Variants in CLVS1 observed in about 807,000 individuals in gnomAD.
CLVS1 encodes clavesin 1.
In CLVS1, 10 loss-of-function variants were observed where a neutral mutation model predicts 33.1. The ratio of observed to expected loss-of-function variants is 0.30; its 90% CI spans 0.19 to 0.51. The LOEUF (loss-of-function observed/expected upper bound fraction) is 0.51. CLVS1 is among the 20% of genes least tolerant of loss of function. The pLI is 0.97. For missense variants in CLVS1, 343 were observed against 433.4 expected (o/e 0.79, Z 1.85); for synonymous variants, 163 against 166.1 (o/e 0.98, Z 0.14).
chr8:61,074,075 C>T (rs1194126114), intron 1 of CLVS1, among the ~76,000 whole-genome samples: 1 of 150,478 alleles, frequency 6.6e-6, no homozygotes, highest in African/African-American at 2.4e-5. Flanking sequence ...TGGTGGCTCA[C>T]ACCTGTAATC....
chr8:61,296,648 C>T (rs975528864), intron 1 of CLVS1, among the ~76,000 whole-genome samples: 1 of 152,162 alleles, frequency 6.6e-6, no homozygotes, highest in African/African-American at 2.4e-5. Flanking sequence ...ATCAATCAGC[C>T]ACAACATCTC....
chr8:61,331,823 T>TTCCTCC (rs71257360), intron 2 of CLVS1, among the ~76,000 whole-genome samples: 1,590 of 141,996 alleles, frequency 0.011, 25 homozygotes, highest in African/African-American at 0.038. Flanking sequence ...CCTCCTCCTC[T>TTCCTCC]TCCTCCTCCT....
chr8:61,130,711 AGG>A (rs1806078421), intron 1 of CLVS1, among the ~76,000 whole-genome samples: 1 of 152,254 alleles, frequency 6.6e-6, no homozygotes, highest in African/African-American at 2.4e-5. Flanking sequence ...GAGTATTAAG[AGG>A]CTTCCAGTCA....
chr8:61,163,185 G>A (rs1259727688), intron 2 of CLVS1, among the ~76,000 whole-genome samples: 1 of 152,176 alleles, frequency 6.6e-6, no homozygotes, highest in Non-Finnish European at 1.5e-5. Flanking sequence ...ACACTGCACA[G>A]ACACCAGCCT....
chr8:61,383,974 A>T (rs986997323), intron 3 of CLVS1, among the ~76,000 whole-genome samples: 1 of 152,204 alleles, frequency 6.6e-6, no homozygotes, highest in East Asian at 1.9e-4. Flanking sequence ...ATATTTGGAA[A>T]AAGAGACATG....
intron 2 of CLVS1, among the ~76,000 whole-genome samples, chr8:61,320,166 TAG>T (rs1187812935): frequency 2.6e-5 from 4 of 152,218 alleles, no homozygotes; most frequent in African/African-American, 9.6e-5. Flanking sequence ...CTCTTTTTTG[TAG>T]AGTTATCTGC....
upstream of CLVS1, among the ~76,000 whole-genome samples, chr8:61,055,881 C>G (rs190173209): frequency 1.8e-3 from 278 of 152,358 alleles, 3 homozygotes; most frequent in East Asian, 7.7e-4. Context: ...CAGCTCTCCT[C>G]CATGATATGG....
At chr8:60,981,345 T>G in the CLVS1 span, among the ~76,000 whole-genome samples, 94 of 152,250 alleles carry the variant, frequency 6.2e-4, no homozygotes, top group Non-Finnish European at 1.6e-4. Context: ...TTATGTAGCT[T>G]TGAGCACATG....
chr8:61,091,768 G>GA (rs1026382555), intron 1 of CLVS1, among the ~76,000 whole-genome samples: 4 of 151,978 alleles, frequency 2.6e-5, no homozygotes, highest in African/African-American at 7.3e-5. Context: ...GCCTTTTTAG[G>GA]AAAAAAACTA....
chr8:61,032,869 ATAC>A, the CLVS1 span, among the ~76,000 whole-genome samples: 1 of 151,874 alleles, frequency 6.6e-6, no homozygotes, highest in Admixed American at 6.6e-5. Context: ...ATGCTTCAAA[ATAC>A]TATCTGTAAA....
intron 2 of CLVS1, among the ~76,000 whole-genome samples, chr8:61,233,720 G>A (rs533225663): frequency 6.6e-6 from 1 of 152,308 alleles, no homozygotes; most frequent in South Asian, 2.1e-4. Flanking sequence ...CTCCTGGCTG[G>A]GAAAAGGGCC....
chr8:61,389,234 A>G lies in CLVS1; in HGVS notation c.630+12455A>G, dbSNP rs533568194. Among the ~76,000 whole-genome samples the G allele has an allele frequency of 4.6e-5, 7 of 152,312 alleles. No individual in the cohort carries two copies. The East Asian group carries it at 5.8e-4, about 13-fold the overall frequency. The stretch of plus-strand genomic sequence containing the variant: ...TTGAGAGGCTAACCCACATTAGCAT[A>G]TAGACAATATCAAGAAATAACAGGG... On this transcript the variant is annotated intron_variant, in intron 3 of 5. Transcript: ENST00000325897.
chr8:61,192,004 T>A (rs1807494679), intron 2 of CLVS1, among the ~76,000 whole-genome samples: 1 of 152,200 alleles, frequency 6.6e-6, no homozygotes, highest in Non-Finnish European at 1.5e-5. Context: ...AATAACTTTC[T>A]TCACAGAATT....
chr8:61,306,971 G>A (rs1260633370), intron 2 of CLVS1, among the ~76,000 whole-genome samples: 1 of 152,210 alleles, frequency 6.6e-6, no homozygotes. Flanking sequence ...TAGTTCAGTT[G>A]TGGTTGAGAA....
chr8:61,265,104 A>T (rs1174804820), intron 2 of CLVS1, among the ~76,000 whole-genome samples: 1 of 152,228 alleles, frequency 6.6e-6, no homozygotes, highest in African/African-American at 2.4e-5. Context: ...ACCTCCAAAC[A>T]TACATCCAAT....
chr8:61,063,290 A>AGAGAGAGAGAGAGAGAGAGAGAGAGG (rs1804617306), intron 1 of CLVS1, among the ~76,000 whole-genome samples: 1 of 107,118 alleles, frequency 9.3e-6, no homozygotes, highest in East Asian at 2.4e-4. Context: ...AGAGAGAGAG[A>AGAGAGAGAGAGAGAGAGAGAGAGAGG]GAGATAGAGA....
chr8:61,486,936 G>C (rs1803907511), intron 5 of CLVS1, among the ~76,000 whole-genome samples: 1 of 152,206 alleles, frequency 6.6e-6, no homozygotes, highest in African/African-American at 2.4e-5. Flanking sequence ...ATAAGGGATT[G>C]AGAAATATTT....
intron 2 of CLVS1, among the ~76,000 whole-genome samples, chr8:61,203,462 A>G (rs1807779682): frequency 1.3e-5 from 2 of 152,182 alleles, no homozygotes; most frequent in Non-Finnish European, 2.9e-5. Context: ...ATGATAGGAC[A>G]CAGTAGTAGC....
chr8:61,491,116 TAGAGA>T (rs1186484959), intron 5 of CLVS1, among the ~76,000 whole-genome samples: 15 of 152,216 alleles, frequency 9.9e-5, no homozygotes, highest in Non-Finnish European at 2.1e-4. Flanking sequence ...AATGTTGAGA[TAGAGA>T]AGAGTTAGAC....
Sources: allele counts gnomAD v4.1 joint callset (sites outside exome capture counted in the v4.1 genomes callset), GRCh38; gene constraint gnomAD v4.1.1; transcripts MANE v1.5; gene names NCBI Gene and HGNC (gene_info 2026-07-23, HGNC 2026-07-21).